The following HTR7 variants were observed in gnomAD, a reference collection of about 807,000 sequenced individuals.
The protein encoded by HTR7 is 5-hydroxytryptamine receptor 7.
A neutral mutation model predicts 34.0 loss-of-function variants in HTR7; 16 were observed. That is an observed-to-expected ratio of 0.47 (90% CI 0.32 to 0.71). The LOEUF is 0.71. Ranked by LOEUF, HTR7 falls within the 30% of genes least tolerant of loss-of-function variation. The pLI is 0.04. For synonymous variants in HTR7, 265 were observed against 260.2 expected (o/e 1.02, Z -0.18); for missense variants, 504 against 625.5 (o/e 0.81, Z 2.07).
intron 1 of HTR7, among the ~76,000 whole-genome samples, chr10:90,807,783 A>G (rs1219868505): frequency 6.6e-6 from 1 of 152,150 alleles, no homozygotes; most frequent in Non-Finnish European, 1.5e-5. Flanking sequence ...TTGGGAGATC[A>G]ATCCCCTGTC....
rs562516990 is a variant in HTR7 at position 90,847,933 on chromosome 10, C to A, written c.539+9200G>T. 3.9e-5 allele frequency among the ~76,000 whole-genome samples: 6 copies of A among 152,266 alleles called. No individual in the cohort carries two copies. The South Asian group carries it at 1.2e-3, about 32-fold the overall frequency. ...AAAGTGCCTAAAATATACATGGACA[C>A]TTTAACAATAATTAAGTTAACCCTT... On this transcript the variant is annotated intron_variant, in intron 1 of 3. Transcript: ENST00000336152.
rs764661262 is a variant in HTR7 at position 90,742,439 on chromosome 10, A to T, written c.*43T>A. On this transcript the variant is annotated 3_prime_UTR_variant, in exon 4 of 4. Transcript: ENST00000336152. The stretch of plus-strand genomic sequence containing the variant: ...CAGCAAATGACTTCCTTCTGTTTCC[A>T]CCTCTATTTTGCCTTGTTTATTTCA... 4 of 1,493,314 alleles carry T rather than the reference A, an allele frequency of 2.7e-6. No individual in the cohort carries two copies. In the South Asian group the frequency reaches 4.7e-5, roughly 18 times the overall value. 92.5% of individuals were successfully genotyped at this position (1,493,314 alleles called of 1,614,324 possible).
intron 1 of HTR7, among the ~76,000 whole-genome samples, chr10:90,842,238 GC>G (rs559197368): frequency 1.0e-3 from 158 of 152,178 alleles, no homozygotes; most frequent in African/African-American, 3.6e-3. Context: ...TGTTCTTTTT[GC>G]CACATGACGA....
Position 90,857,668 on chromosome 10 carries a change from T to A in HTR7, c.4A>T (p.Met2Leu). 1 of 1,566,024 alleles carries A rather than the reference T, an allele frequency of 6.4e-7. No homozygotes were observed. The highest frequency in any genetic ancestry group is 8.6e-7 in the Non-Finnish European group (1 of 1,164,498). ...GGGCGGCCGCTGCTGTTAACGTCCA[T>A]CATCGCGCCGCCGTGTGCCGCTGCC... MMDVNSSGRPDL... is the reference protein window; with the variant it reads MLDVNSSGRPDL... Residue 2 changes from methionine to leucine, a missense_variant, in exon 1 of 4, where the codon ATG (methionine) becomes TTG (leucine). Met to Leu is a conservative substitution (Grantham distance 15). Around this residue, in one of 4 missense-constraint regions of HTR7, gnomAD observed 139 missense variants for 117.1 expected, o/e 1.19. Transcript: ENST00000336152. This position sits in a 1 kb window ranked among gnomAD's most constrained non-coding sequence, Gnocchi z 6.5.
At chr10:90,851,674 G>A (rs1031070557) in intron 1 of HTR7, among the ~76,000 whole-genome samples, 2 of 151,290 alleles carry the variant, frequency 1.3e-5, no homozygotes, top group African/African-American at 4.9e-5. Flanking sequence ...AGAATTGAGA[G>A]GATTTGTCAC....
chr10:90,743,730 T>G (rs1844590584), intron 2 of HTR7, 40 bp from the exon 3 acceptor site: 1 of 1,456,322 alleles, frequency 6.9e-7, no homozygotes. Flanking sequence ...CATAAGTAAA[T>G]CAAATTTTAA....
intron 1 of HTR7, among the ~76,000 whole-genome samples, chr10:90,807,628 T>C (rs1445630181): frequency 6.6e-6 from 1 of 152,254 alleles, no homozygotes; most frequent in Middle Eastern, 3.4e-3. Flanking sequence ...CACCCCTATC[T>C]CCCTTTGCTG....
chr10:90,857,002 C>T lies in HTR7; in HGVS notation c.539+131G>A. 2.5e-6 allele frequency: 2 copies of T among 788,498 alleles called. No homozygotes were observed. The highest frequency in any genetic ancestry group is 2.0e-6 in the Non-Finnish European group (1 of 500,258). 48.8% of individuals were successfully genotyped at this position (788,498 alleles called of 1,614,324 possible). A position where few individuals can be genotyped will look rare whatever the true frequency, so the allele number is the denominator to read the frequency against. ...TTGGTGTAGGGTGGATTGGGGGGAG[C>T]GGTGTTTTAAGCGCAGCCCTTCATC... On this transcript the variant is annotated intron_variant, in intron 1 of 3. Coordinates refer to ENST00000336152, the MANE Select transcript of HTR7 (RefSeq NM_019859.4). The surrounding 1 kb of genome is among the most constrained non-coding windows in gnomAD (Gnocchi z 6.5).
At chr10:90,742,597 G>T in intron 3 of HTR7, 69 bp from the exon 4 acceptor site, 1 of 1,098,888 alleles carries the variant, frequency 9.1e-7, no homozygotes, top group East Asian at 2.4e-5. Context: ...TCATTTTGTG[G>T]TAGGTGGACT....
chr10:90,808,592 T>C (rs12779377), intron 1 of HTR7, among the ~76,000 whole-genome samples: 42,198 of 151,578 alleles, frequency 0.28, 6,366 homozygotes, highest in African/African-American at 0.41. Flanking sequence ...GCCCCGACCT[T>C]GTATCTCTGC....
At chr10:90,806,803 A>T (rs1168839201) in intron 1 of HTR7, among the ~76,000 whole-genome samples, 1 of 152,164 alleles carries the variant, frequency 6.6e-6, no homozygotes, top group East Asian at 1.9e-4. Context: ...AACAAAAGTA[A>T]AAGAGTGTGC....
intron 1 of HTR7, among the ~76,000 whole-genome samples, chr10:90,784,484 C>G (rs1417062720): frequency 1.3e-5 from 2 of 152,132 alleles, no homozygotes; most frequent in African/African-American, 2.4e-5. Flanking sequence ...CTTTTAAAAA[C>G]CTTGGTACAA....
intron 1 of HTR7, among the ~76,000 whole-genome samples, chr10:90,813,185 T>G (rs980324279): frequency 1.3e-5 from 2 of 152,182 alleles, no homozygotes; most frequent in Non-Finnish European, 1.5e-5. Flanking sequence ...TTAGCCCGCC[T>G]GCACCCAGGT....
intron 1 of HTR7, among the ~76,000 whole-genome samples, chr10:90,793,305 T>C (rs981411843): frequency 9.9e-5 from 15 of 151,836 alleles, no homozygotes; most frequent in African/African-American, 3.6e-4. Flanking sequence ...ATAATTATGA[T>C]AGGGTAGAGA....
At chr10:90,817,807 T>C (rs1845919302) in intron 1 of HTR7, among the ~76,000 whole-genome samples, 1 of 152,130 alleles carries the variant, frequency 6.6e-6, no homozygotes, top group Non-Finnish European at 1.5e-5. Flanking sequence ...AGCAAGAAAG[T>C]GGAAACATTT....
chr10:90,808,072 C>T (rs1017792791), intron 1 of HTR7, among the ~76,000 whole-genome samples: 3 of 152,200 alleles, frequency 2.0e-5, no homozygotes, highest in Non-Finnish European at 4.4e-5. Context: ...GGGAAGGCAG[C>T]CTTCCCTTGG....
Position 90,810,228 on chromosome 10 carries a change from C to T in HTR7, c.539+46905G>A, listed in dbSNP as rs1230317618. Among the ~76,000 whole-genome samples, 11 of 152,158 alleles carry T rather than the reference C, an allele frequency of 7.2e-5. 1 individual carries two copies. On this transcript the variant is annotated intron_variant, in intron 1 of 3. Transcript: ENST00000336152. The stretch of plus-strand genomic sequence containing the variant: ...AAATTATCTGCTTCCCTGACTATTC[C>T]TGGGCTACAGCCACATCTCATTGCC...
chr10:90,792,651 G>A (rs1845476725), intron 1 of HTR7, among the ~76,000 whole-genome samples: 1 of 151,696 alleles, frequency 6.6e-6, no homozygotes, highest in Non-Finnish European at 1.5e-5. Flanking sequence ...GGTTACATGT[G>A]GATAAAACTA....
intron 1 of HTR7, among the ~76,000 whole-genome samples, chr10:90,854,235 C>A (rs1019312455): frequency 5.9e-5 from 9 of 152,062 alleles, no homozygotes; most frequent in African/African-American, 2.2e-4. Flanking sequence ...CACCTGTAAT[C>A]CTAGGTATTT....
Sources: allele counts gnomAD v4.1 joint callset (sites outside exome capture counted in the v4.1 genomes callset), GRCh38; gene constraint gnomAD v4.1.1; regional missense constraint gnomAD v4.1.1; non-coding constraint Gnocchi (gnomAD v3.1); transcripts MANE v1.5; gene names NCBI Gene and HGNC (gene_info 2026-07-23, HGNC 2026-07-21).